HSPH1: variants seen among roughly 807,000 people sequenced by gnomAD.
HSPH1 encodes heat shock protein family H (Hsp110) member 1.
HSPH1 carries 40 observed loss-of-function variants against 100.0 expected under a neutral mutation model. The observed-to-expected ratio is 0.40, with a 90% confidence interval of 0.31 to 0.52. The LOEUF (loss-of-function observed/expected upper bound fraction) is 0.52, where lower values mean the gene tolerates loss of function less well. Ranked by LOEUF, HSPH1 falls within the 20% of genes least tolerant of loss-of-function variation. HSPH1 has a pLI of 0.54. For missense variants in HSPH1, 876 were observed against 1,015.1 expected (o/e 0.86, Z 1.86); for synonymous variants, 403 against 344.0 (o/e 1.17, Z -1.90).
chr13:31,158,394 C>G (rs112400911), intron 2 of HSPH1, among the ~76,000 whole-genome samples: 2 of 151,848 alleles, frequency 1.3e-5, no homozygotes, highest in African/African-American at 4.8e-5. Context: ...ACTAAAAATA[C>G]AAAAACTAGC....
In HSPH1 at chr13:31,151,088, G is replaced by A; in HGVS notation, c.767C>T (p.Ala256Val). The A allele has an allele frequency of 6.2e-7, 1 of 1,613,694 alleles. No individual in the cohort carries two copies. Among genetic ancestry groups the A allele is most frequent in the Non-Finnish European group, 8.5e-7 (1 of 1,179,774 alleles). The change falls in exon 7 of 18, where the codon GCA (alanine) becomes GTA (valine). Residue 256 changes from alanine to valine, a missense_variant. Transcript: ENST00000320027. ...AEFKTKYKLD[A>V]KSKIRALLRL... ...TAGGAGTGCTCGTATTTTGGATTTT[G>A]CATCCAACTTGTACTTAGTTTTAAA...
intron 8 of HSPH1, among the ~76,000 whole-genome samples, chr13:31,149,691 A>C (rs1490075710): frequency 1.3e-5 from 2 of 152,196 alleles, no homozygotes; most frequent in Non-Finnish European, 2.9e-5. Context: ...TTAGTGTTTC[A>C]GCTGTGTTTT....
rs1456812531 is a variant in HSPH1 at position 31,138,420 on chromosome 13, T to C, written c.2357A>G (p.Lys786Arg). The change falls in exon 17 of 18, where the codon AAA becomes AGA. Residue 786 changes from lysine to arginine, a missense_variant. By Grantham distance (26) the Lys-to-Arg change is conservative. Coordinates refer to ENST00000320027, the MANE Select transcript of HSPH1 (RefSeq NM_006644.4). ...QDPVVRAQEI[K>R]TKIKELNNTC... ...AGTAACACTCACCTTGATTTTTGTTTTAATTTCCTGAGCACGTACAACTGG... is the reference window on the plus strand; with the variant it reads ...AGTAACACTCACCTTGATTTTTGTTCTAATTTCCTGAGCACGTACAACTGG... 2 of 1,612,862 alleles carry C rather than the reference T, an allele frequency of 1.2e-6. No homozygotes were observed. Among genetic ancestry groups the C allele is most frequent in the South Asian group, 2.2e-5 (2 of 90,946 alleles).
At chr13:31,152,718 G>A in intron 5 of HSPH1, 134 bp downstream of exon 5, 2 of 622,958 alleles carry the variant, frequency 3.2e-6, no homozygotes, top group Non-Finnish European at 5.8e-6. Flanking sequence ...CATTTTAAGA[G>A]GTAGACTTTT....
At chr13:31,157,256 G>A (rs1202355782) in intron 2 of HSPH1, among the ~76,000 whole-genome samples, 2 of 152,194 alleles carry the variant, frequency 1.3e-5, no homozygotes, top group African/African-American at 4.8e-5. Flanking sequence ...AGAATTTTAG[G>A]TCTAGGCTAT....
chr13:31,144,266 C>T (rs1183082039), intron 11 of HSPH1, among the ~76,000 whole-genome samples: 8 of 152,136 alleles, frequency 5.3e-5, no homozygotes, highest in Non-Finnish European at 1.0e-4. Flanking sequence ...ATAGATTACT[C>T]CAGGCCTCTT....
At chr13:31,151,807 A>G (rs1408872730) in intron 5 of HSPH1, 65 bp from the exon 6 acceptor site, 1 of 1,376,634 alleles carries the variant, frequency 7.3e-7, no homozygotes, top group Non-Finnish European at 1.0e-6. Context: ...ACTGTTACAT[A>G]AAATTACACA....
intron 5 of HSPH1, chr13:31,151,998 A>G: frequency 2.8e-6 from 1 of 362,242 alleles, no homozygotes; most frequent in East Asian, 5.2e-5. Context: ...GCGTGAATAC[A>G]GTGAAACATA....
chr13:31,156,810 T>C (rs1174961968), intron 2 of HSPH1, among the ~76,000 whole-genome samples: 8 of 152,180 alleles, frequency 5.3e-5, no homozygotes, highest in African/African-American at 2.4e-5. Context: ...AAACAAGAAA[T>C]TGAACTGCTA....
At chr13:31,157,095 G>GC (rs1956726575) in intron 2 of HSPH1, among the ~76,000 whole-genome samples, 1 of 152,140 alleles carries the variant, frequency 6.6e-6, no homozygotes, top group Admixed American at 6.5e-5. Flanking sequence ...AGTTAGCTTG[G>GC]CAGTACTAGT....
rs888403416 is a variant in HSPH1 at position 31,151,532 on chromosome 13, C to T, written c.663+77G>A. 4 of 1,348,698 alleles carry T rather than the reference C, an allele frequency of 3.0e-6. No homozygotes were observed. The African/African-American group carries it at 5.9e-5, about 20-fold the overall frequency. The allele number at this position is 1,348,698 out of a possible 1,614,324, so 83.5% of individuals were successfully genotyped here. A position where few individuals can be genotyped will look rare whatever the true frequency, so the allele number is the denominator to read the frequency against. On this transcript the variant is annotated intron_variant, in intron 6 of 17. Coordinates refer to ENST00000320027, the MANE Select transcript of HSPH1 (RefSeq NM_006644.4). ...CTCTTCATTACCAAGAAGAAAAAGC[C>T]TAGTAAAGAGGCTCAGTAGCTTAAA...
In HSPH1 at chr13:31,150,100, T is replaced by C. The variant is rs1290439803; in HGVS notation, c.991A>G (p.Lys331Glu). Reference protein sequence around the residue: ...LYSLLEQTHLKVEDVSAVEIV... With the variant: ...LYSLLEQTHLEVEDVSAVEIV... ...TCAACTGCACTCACATCTTCTACTT[T>C]GAGATGAGTTTGTTCCAACAGTGAA... Residue 331 changes from lysine to glutamate, a missense_variant, in exon 8 of 18, where the codon AAA (lysine) becomes GAA (glutamate). Transcript: ENST00000320027. 6.2e-7 allele frequency: 1 copy of C among 1,613,554 alleles called. No homozygotes were observed. Among genetic ancestry groups the C allele is most frequent in the African/African-American group, 1.3e-5 (1 of 74,914 alleles).
At chr13:31,156,281 T>C (rs1956688689) in intron 2 of HSPH1, among the ~76,000 whole-genome samples, 1 of 151,982 alleles carries the variant, frequency 6.6e-6, no homozygotes. Flanking sequence ...TCCCAGCTAC[T>C]CGGGAGGCTG....
chr13:31,161,633 C>T lies in HSPH1; in HGVS notation c.-51G>A, dbSNP rs774853230. 1.1e-5 allele frequency: 18 copies of T among 1,602,678 alleles called. No individual in the cohort carries two copies. The highest frequency in any genetic ancestry group is 2.5e-6 in the Non-Finnish European group (3 of 1,178,374). ...TCGGGTCTCGGTCTGCGTCCTCCGG[C>T]CCCCTGCCTGCTTCTCCTGCCGCCG... On this transcript the variant is annotated 5_prime_UTR_variant, in exon 1 of 18. Coordinates refer to ENST00000320027, the MANE Select transcript of HSPH1 (RefSeq NM_006644.4).
At chr13:31,141,583 A>C (rs1956091268) in intron 12 of HSPH1, among the ~76,000 whole-genome samples, 1 of 152,054 alleles carries the variant, frequency 6.6e-6, no homozygotes, top group Admixed American at 6.6e-5. Flanking sequence ...CAAAAAGTGA[A>C]AATTACTAAA....
At chr13:31,151,840 T>C (rs954437690) in intron 5 of HSPH1, 98 bp from the exon 6 acceptor site, 1 of 1,006,000 alleles carries the variant, frequency 9.9e-7, no homozygotes, top group African/African-American at 1.6e-5. Flanking sequence ...GACTATTAAC[T>C]TGAAACAATT....
chr13:31,153,500 A>G (rs960206879), intron 4 of HSPH1, among the ~76,000 whole-genome samples: 4 of 152,190 alleles, frequency 2.6e-5, no homozygotes, highest in Non-Finnish European at 5.9e-5. Flanking sequence ...AAAGCCTTTC[A>G]ATTTTCCTAA....
rs780348834 is a variant in HSPH1 at position 31,148,108 on chromosome 13, A to G, written c.1245-16T>C. The stretch of plus-strand genomic sequence containing the variant: ...TTCATGAACACTAGAGAGAAAAGAA[A>G]AAGGCATTCAGCAGATGAAGAACTT... On this transcript the variant is annotated splice_polypyrimidine_tract_variant and intron_variant, in intron 9 of 17. Coordinates refer to ENST00000320027, the MANE Select transcript of HSPH1 (RefSeq NM_006644.4). 4 of 1,599,574 alleles carry G rather than the reference A, an allele frequency of 2.5e-6. No homozygotes were observed. Among genetic ancestry groups the G allele is most frequent in the Non-Finnish European group, 3.4e-6 (4 of 1,175,862 alleles).
At chr13:31,149,488 G>C (rs1282250321) in intron 8 of HSPH1, among the ~76,000 whole-genome samples, 1 of 151,962 alleles carries the variant, frequency 6.6e-6, no homozygotes, top group Non-Finnish European at 1.5e-5. Flanking sequence ...ATGCTTCTGG[G>C]CTGCCTTTTT....
Sources: allele counts gnomAD v4.1 joint callset (sites outside exome capture counted in the v4.1 genomes callset), GRCh38; gene constraint gnomAD v4.1.1; transcripts MANE v1.5; gene names NCBI Gene and HGNC (gene_info 2026-07-23, HGNC 2026-07-21).